Variants in FGFR2 observed in about 807,000 individuals in gnomAD.
FGFR2 encodes fibroblast growth factor receptor 2, also known as BEK fibroblast growth factor receptor.
Under a neutral mutation model 95.9 loss-of-function variants are expected in FGFR2, and 19 were observed. The ratio of observed to expected loss-of-function variants is 0.20; its 90% confidence interval spans 0.14 to 0.29. The LOEUF (loss-of-function observed/expected upper bound fraction) is 0.29. FGFR2 is among the 10% of genes least tolerant of loss of function. The probability of loss-of-function intolerance (pLI) is 1.00; values close to 1 mark genes in which losing one functional copy is unlikely to be tolerated. For missense variants in FGFR2, 707 were observed against 1,056.9 expected (o/e 0.67, Z 4.59); for synonymous variants, 392 against 393.3 (o/e 1.00, Z 0.04).
chr10:121,497,874 A>G lies in FGFR2; in HGVS notation c.1672+621T>C, dbSNP rs1008628629. Among the ~76,000 whole-genome samples the G allele has an allele frequency of 5.9e-5, 9 of 152,346 alleles. No individual in the cohort carries two copies. The East Asian group carries it at 7.7e-4, about 13-fold the overall frequency. ...ATATCTACGACCTCCCTTTACAGAA[A>G]AAGTTCACCAATTACTATATAGACC... On this transcript the variant is annotated intron_variant, in intron 12 of 17. Transcript: ENST00000358487.
At chr10:121,501,316 T>C (rs903588958) in intron 10 of FGFR2, among the ~76,000 whole-genome samples, 1 of 152,242 alleles carries the variant, frequency 6.6e-6, no homozygotes, top group African/African-American at 2.4e-5. Flanking sequence ...AAGACTGTTC[T>C]TATTTTTTTG....
At chr10:121,519,516 T>A (rs896367802) in intron 7 of FGFR2, among the ~76,000 whole-genome samples, 1 of 152,312 alleles carries the variant, frequency 6.6e-6, no homozygotes, top group African/African-American at 2.4e-5. Flanking sequence ...AAAACGTGGC[T>A]ACTAAAATTG....
At chr10:121,544,779 C>T (rs1157923821) in intron 5 of FGFR2, among the ~76,000 whole-genome samples, 5 of 152,034 alleles carry the variant, frequency 3.3e-5, no homozygotes, top group Middle Eastern at 3.2e-3. Context: ...GTAATTAATG[C>T]CTACTAAACT....
intron 13 of FGFR2, among the ~76,000 whole-genome samples, chr10:121,490,506 C>T (rs1312446045): frequency 6.6e-6 from 1 of 152,188 alleles, no homozygotes; most frequent in African/African-American, 2.4e-5. Context: ...CTGTGAGCTG[C>T]TGCATTTTTG....
chr10:121,566,128 A>T (rs1231323988), intron 2 of FGFR2, among the ~76,000 whole-genome samples: 1 of 151,946 alleles, frequency 6.6e-6, no homozygotes, highest in Non-Finnish European at 1.5e-5. Context: ...ACACACATAC[A>T]CTCTTTATTA....
At chr10:121,540,774 C>A (rs1017691424) in intron 5 of FGFR2, among the ~76,000 whole-genome samples, 1 of 152,180 alleles carries the variant, frequency 6.6e-6, no homozygotes. Flanking sequence ...TTTGAGCCCC[C>A]GCTCAAATGT....
intron 4 of FGFR2, among the ~76,000 whole-genome samples, chr10:121,553,769 T>A (rs1355139008): frequency 6.6e-6 from 1 of 152,208 alleles, no homozygotes; most frequent in Non-Finnish European, 1.5e-5. Flanking sequence ...TCAACAGATA[T>A]GTGCTTACAT....
chr10:121,533,444 A>T lies in FGFR2; in HGVS notation c.748+5148T>A, dbSNP rs1564941600. ...ATCTGGCCTTGACAAAACCAGAGGC[A>T]CCATTTCCACTTCCACTGTACTTTG... On this transcript the variant is annotated intron_variant, in intron 6 of 17. Transcript: ENST00000358487. Among the ~76,000 whole-genome samples, 3 of 152,326 alleles carry T rather than the reference A, an allele frequency of 2.0e-5. No individual in the cohort carries two copies. In the South Asian group the frequency reaches 6.2e-4, roughly 32 times the overall value.
intron 13 of FGFR2, among the ~76,000 whole-genome samples, chr10:121,489,031 G>C (rs1352904282): frequency 6.6e-6 from 1 of 151,928 alleles, no homozygotes; most frequent in Non-Finnish European, 1.5e-5. Context: ...TTGATTTCTT[G>C]CTTGTTTTTT....
At chr10:121,499,989 C>A (rs147624632) in intron 11 of FGFR2, among the ~76,000 whole-genome samples, 79 of 152,298 alleles carry the variant, frequency 5.2e-4, no homozygotes, top group African/African-American at 1.6e-3. Flanking sequence ...AACTCCAGAG[C>A]GCCTGCGACA....
intron 4 of FGFR2, 93 bp from the exon 5 acceptor site, chr10:121,551,552 G>A: frequency 3.6e-6 from 4 of 1,122,440 alleles, no homozygotes; most frequent in Non-Finnish European, 5.3e-6. Flanking sequence ...CGCTTTGCAT[G>A]TAAATGCTAG....
intron 4 of FGFR2, among the ~76,000 whole-genome samples, chr10:121,564,099 G>T (rs1361269618): frequency 6.6e-6 from 1 of 152,192 alleles, no homozygotes; most frequent in African/African-American, 2.4e-5. Context: ...AATGTGCCGG[G>T]AGAGCAAGAA....
chr10:121,523,205 T>G (rs1388323266), intron 6 of FGFR2, among the ~76,000 whole-genome samples: 1 of 152,246 alleles, frequency 6.6e-6, no homozygotes, highest in Non-Finnish European at 1.5e-5. Flanking sequence ...AAATCATTCA[T>G]CTGCCCCTAT....
chr10:121,541,755 A>G (rs1053490814), intron 5 of FGFR2, among the ~76,000 whole-genome samples: 3 of 152,260 alleles, frequency 2.0e-5, no homozygotes, highest in African/African-American at 7.2e-5. Context: ...AGAAGGATCA[A>G]TGTTATTCAG....
At chr10:121,575,989 A>AC (rs1859670309) in intron 2 of FGFR2, among the ~76,000 whole-genome samples, 2 of 151,994 alleles carry the variant, frequency 1.3e-5, no homozygotes, top group Non-Finnish European at 2.9e-5. Context: ...AGAGTTCAAG[A>AC]CCAGCCTGAC....
intron 2 of FGFR2, among the ~76,000 whole-genome samples, chr10:121,588,475 G>C (rs1219468278): frequency 1.3e-5 from 2 of 152,118 alleles, no homozygotes; most frequent in Non-Finnish European, 1.5e-5. Context: ...AGTCAGGGAG[G>C]AAGATGGTGT....
At chr10:121,576,503 G>A (rs767526305) in intron 2 of FGFR2, among the ~76,000 whole-genome samples, 1 of 152,166 alleles carries the variant, frequency 6.6e-6, no homozygotes, top group Non-Finnish European at 1.5e-5. Context: ...CATGTGGGGG[G>A]CTCACAAGGA....
At chr10:121,494,648 T>C (rs970157690) in intron 13 of FGFR2, among the ~76,000 whole-genome samples, 8 of 152,168 alleles carry the variant, frequency 5.3e-5, no homozygotes, top group Non-Finnish European at 1.2e-4. Flanking sequence ...CTGGGTTTGC[T>C]TGTTACACCT....
At chr10:121,568,339 G>A (rs973916935) in intron 2 of FGFR2, among the ~76,000 whole-genome samples, 1 of 152,182 alleles carries the variant, frequency 6.6e-6, no homozygotes, top group Non-Finnish European at 1.5e-5. Context: ...CACCCACCAT[G>A]TTAGAATGAA....
Sources: gnomAD v4.1 joint callset for allele counts (sites outside exome capture counted in the v4.1 genomes callset) on GRCh38, gnomAD v4.1.1 for gene constraint, MANE v1.5 for transcripts, NCBI Gene and HGNC (gene_info 2026-07-23, HGNC 2026-07-21) for gene names.